MROH9: variants seen among roughly 807,000 people sequenced by gnomAD.
The protein encoded by MROH9 is maestro heat like repeat family member 9.
MROH9 carries 92 observed loss-of-function variants against 98.2 expected under a neutral mutation model. The observed-to-expected ratio is 0.94, with a 90% CI of 0.79 to 1.11. MROH9 has a LOEUF of 1.11. Among genes scored for constraint, MROH9 ranks in the 50% most tolerant of loss-of-function variants. The probability of loss-of-function intolerance (pLI) is 0.00; values close to 1 mark genes in which losing one functional copy is unlikely to be tolerated. For synonymous variants in MROH9, 397 were observed against 368.9 expected (o/e 1.08, Z -0.87); for missense variants, 1,057 against 1,014.8 (o/e 1.04, Z -0.57).
chr1:170,936,019 A>T (rs1648868029), intron 1 of MROH9, among the ~76,000 whole-genome samples: 1 of 150,802 alleles, frequency 6.6e-6, no homozygotes, highest in Non-Finnish European at 1.5e-5. Flanking sequence ...GAAAAGAAAA[A>T]GAAAATTACA....
At chr1:171,016,013 G>A (rs376462777) in intron 16 of MROH9, 150 bp from the exon 17 acceptor site, 1 of 418,144 alleles carries the variant, frequency 2.4e-6, no homozygotes, top group Non-Finnish European at 4.2e-6. Context: ...TTAGCAAAAA[G>A]TCAACATTTT....
intron 8 of MROH9, among the ~76,000 whole-genome samples, chr1:170,982,212 AATAG>A (rs1406411712): frequency 6.6e-6 from 1 of 152,148 alleles, no homozygotes; most frequent in Non-Finnish European, 1.5e-5. Flanking sequence ...TTAACAAGCA[AATAG>A]ATAAAGAGAT....
intron 9 of MROH9, 39 bp downstream of exon 9, chr1:170,983,573 T>A (rs1377912804): frequency 1.7e-6 from 2 of 1,169,942 alleles, no homozygotes; most frequent in Non-Finnish European, 2.5e-6. Flanking sequence ...CTTTTGTTTA[T>A]GTGTATGATT....
chr1:170,973,529 A>T (rs1412872913), intron 8 of MROH9, among the ~76,000 whole-genome samples: 1 of 152,190 alleles, frequency 6.6e-6, no homozygotes, highest in Non-Finnish European at 1.5e-5. Context: ...AATAAAAAAA[A>T]AAGTTCCTGC....
At chr1:170,970,507 C>T (rs929596624) in intron 7 of MROH9, among the ~76,000 whole-genome samples, 1 of 152,042 alleles carries the variant, frequency 6.6e-6, no homozygotes, top group African/African-American at 2.4e-5. Context: ...AGCCACAGAG[C>T]TCCTATAAGG....
At chr1:171,030,670 T>G (rs1312606672) in intron 20 of MROH9, among the ~76,000 whole-genome samples, 1 of 152,224 alleles carries the variant, frequency 6.6e-6, no homozygotes, top group African/African-American at 2.4e-5. Flanking sequence ...ATGATTTCAG[T>G]TCTTTTGCAT....
chr1:170,957,016 C>CT (rs36026353), intron 3 of MROH9, among the ~76,000 whole-genome samples: 54,000 of 139,082 alleles, frequency 0.39, 10,640 homozygotes, highest in East Asian at 0.61. Flanking sequence ...GGATTATCTG[C>CT]TTTTTTTTTT....
rs137951871 is a variant in MROH9, at chr1:171,041,408, TAC to T, written c.2281+16016_2281+16017del. On this transcript the variant is annotated intron_variant, in intron 20 of 21. Transcript: ENST00000367759. The stretch of plus-strand genomic sequence containing the variant: ...GTGTGTATGTATTGGTCAAGATACA[TAC>T]ACACACACACACACACACACACACA... Among the ~76,000 whole-genome samples, 271 of 103,032 alleles carry T rather than the reference TAC, an allele frequency of 2.6e-3. 2 individuals carry two copies. Among genetic ancestry groups the T allele is most frequent in the South Asian group, 4.5e-3 (10 of 2,230 alleles). The allele number at this position is 103,032 out of a possible 152,430, so 67.6% of individuals were successfully genotyped here.
At chr1:171,038,752 C>G (rs575627808) in intron 20 of MROH9, among the ~76,000 whole-genome samples, 129 of 152,316 alleles carry the variant, frequency 8.5e-4, no homozygotes, top group Admixed American at 1.3e-3. Flanking sequence ...ACTTATCTTA[C>G]AGTCATAATG....
At chr1:170,980,088 G>C (rs2206565) in intron 8 of MROH9, among the ~76,000 whole-genome samples, 56,929 of 151,714 alleles carry the variant, frequency 0.38, 11,024 homozygotes, top group Middle Eastern at 0.59. Context: ...AAATAAGAGA[G>C]GACACAAAAA....
intron 15 of MROH9, among the ~76,000 whole-genome samples, chr1:171,007,629 G>A (rs575982639): frequency 2.2e-3 from 333 of 152,258 alleles, no homozygotes; most frequent in South Asian, 2.9e-3. Flanking sequence ...ATCTGCTGTG[G>A]GACCAAAGTT....
At chr1:170,956,263 T>C (rs1257280409) in intron 3 of MROH9, among the ~76,000 whole-genome samples, 1 of 152,168 alleles carries the variant, frequency 6.6e-6, no homozygotes, top group African/African-American at 2.4e-5. Flanking sequence ...GCCTCCAGAT[T>C]TGTTCTTTTT....
intron 15 of MROH9, among the ~76,000 whole-genome samples, chr1:171,008,697 C>T (rs572351788): frequency 3.3e-5 from 5 of 152,278 alleles, no homozygotes; most frequent in South Asian, 2.1e-4. Context: ...TTGAGGCTGT[C>T]GTGAGCTGTG....
At chr1:170,956,981 T>C (rs993807232) in intron 3 of MROH9, among the ~76,000 whole-genome samples, 1 of 150,884 alleles carries the variant, frequency 6.6e-6, no homozygotes, top group African/African-American at 2.4e-5. Context: ...AAAGTTTTAT[T>C]CAGGTCTTTT....
chr1:170,942,783 T>A (rs1023068589), intron 1 of MROH9, among the ~76,000 whole-genome samples: 1 of 152,142 alleles, frequency 6.6e-6, no homozygotes, highest in African/African-American at 2.4e-5. Flanking sequence ...ATGCATGCAC[T>A]AAGGAAACTT....
At chr1:170,961,827 C>A (rs1650026578) in intron 5 of MROH9, 63 bp from the exon 6 acceptor site, 2 of 758,302 alleles carry the variant, frequency 2.6e-6, no homozygotes, top group Non-Finnish European at 4.0e-6. Flanking sequence ...AAGAAAAAAA[C>A]TGTAGACATT....
At chr1:171,010,563 G>T (rs762635194) in intron 15 of MROH9, among the ~76,000 whole-genome samples, 1 of 151,994 alleles carries the variant, frequency 6.6e-6, no homozygotes, top group Non-Finnish European at 1.5e-5. Context: ...AGTGTAAAAG[G>T]GTTCCTATTT....
chr1:171,049,365 T>A (rs1222752784), intron 20 of MROH9, among the ~76,000 whole-genome samples: 1 of 152,068 alleles, frequency 6.6e-6, no homozygotes, highest in African/African-American at 2.4e-5. Context: ...GGTCTCTGGG[T>A]GCCGAGTGAG....
At chr1:170,958,044 C>A (rs538488075) in intron 3 of MROH9, among the ~76,000 whole-genome samples, 1 of 152,176 alleles carries the variant, frequency 6.6e-6, no homozygotes, top group South Asian at 2.1e-4. Flanking sequence ...CTCCTGACCT[C>A]GTGGTCCCCC....
Sources: gnomAD v4.1 joint callset for allele counts (sites outside exome capture counted in the v4.1 genomes callset) on GRCh38, gnomAD v4.1.1 for gene constraint, MANE v1.5 for transcripts, NCBI Gene and HGNC (gene_info 2026-07-23, HGNC 2026-07-21) for gene names.